RPL3L: variants seen among roughly 807,000 people sequenced by gnomAD.
RPL3L encodes ribosomal protein L3 like.
Under a neutral mutation model 44.5 loss-of-function variants are expected in RPL3L, and 44 were observed. The ratio of observed to expected loss-of-function variants is 0.99; its 90% CI spans 0.78 to 1.27. RPL3L has a LOEUF of 1.27. RPL3L is among the 50% of genes most tolerant of loss of function. RPL3L has a pLI of 0.00. For missense variants in RPL3L, 631 were observed against 569.1 expected (o/e 1.11, Z -1.11); for synonymous variants, 292 against 230.7 (o/e 1.27, Z -2.41).
At position 1,946,704 on chromosome 16, in the gene RPL3L, G is replaced by A. The variant is rs34265469; in HGVS notation, c.872C>T (p.Pro291Leu). Residue 291 changes from proline to leucine, a missense_variant, in exon 7 of 10, where the codon CCG becomes CTG. Coordinates refer to ENST00000268661, the MANE Select transcript of RPL3L (RefSeq NM_005061.3). ...CACCAGCTTCCCGTCCTCCATGTGC[G>A]GGCCCCTGCCGATGCGGAAGATCTG... ...NKKIFRIGRG[P>L]HMEDGKLVKN... 11,240 of 1,612,574 alleles carry A rather than the reference G, an allele frequency of 7.0e-3. 648 individuals carry two copies. In the African/African-American group the frequency reaches 0.13, roughly 18 times the overall value.
chr16:1,951,416 TTCTC>T (rs1331072920), intron 3 of RPL3L, among the ~76,000 whole-genome samples: 1 of 152,030 alleles, frequency 6.6e-6, no homozygotes, highest in African/African-American at 2.4e-5. Flanking sequence ...GGGTCTCACT[TTCTC>T]TCCCAGGCTG....
At position 1,947,179 on chromosome 16, in the gene RPL3L, C is replaced by A. The variant is rs768907465; in HGVS notation, c.688+15G>T. 2 of 1,612,444 alleles carry A rather than the reference C, an allele frequency of 1.2e-6. No individual in the cohort carries two copies. The highest frequency in any genetic ancestry group is 4.5e-5 in the East Asian group (2 of 44,846). ...GGCAGCCTGCCCTGGAGCTGCCATC[C>A]TCACTGAGCCCTACCTTTGACGCCT... On this transcript the variant is annotated intron_variant, in intron 5 of 9. Transcript: ENST00000268661.
rs1567310388 is a variant in RPL3L, at chr16:1,949,263, T to TTC, written c.501+1580_501+1581insGA. 3.6e-3 allele frequency among the ~76,000 whole-genome samples: 314 copies of TTC among 88,396 alleles called. 4 individuals are homozygous for TTC. The highest frequency in any genetic ancestry group is 0.022 in the East Asian group (42 of 1,918). 58.0% of individuals were successfully genotyped at this position (88,396 alleles called of 152,430 possible). On this transcript the variant is annotated intron_variant, in intron 4 of 9. Coordinates refer to ENST00000268661, the MANE Select transcript of RPL3L (RefSeq NM_005061.3). ...ATTTTTGTTTTTTTTTTTTTTCTTTTTTTTTTTTTTTTTTTTTTGAGACTC... is the reference window on the plus strand; with the variant it reads ...ATTTTTGTTTTTTTTTTTTTTCTTTTTCTTTTTTTTTTTTTTTTTTGAGACTC...
chr16:1,944,829 C>A lies in RPL3L; in HGVS notation c.*8G>T. The A allele has an allele frequency of 2.5e-6, 4 of 1,614,070 alleles. No homozygotes were observed. The highest frequency in any genetic ancestry group is 3.4e-6 in the Non-Finnish European group (4 of 1,180,012). On this transcript the variant is annotated 3_prime_UTR_variant, in exon 10 of 10. Coordinates refer to ENST00000268661, the MANE Select transcript of RPL3L (RefSeq NM_005061.3). ...GGTGCGCTTCAGGGTTCATCCACCCCACACAGCCTACAAGTCTCCCGAGGT... is the reference window on the plus strand; with the variant it reads ...GGTGCGCTTCAGGGTTCATCCACCCAACACAGCCTACAAGTCTCCCGAGGT...
chr16:1,953,807 T>C (rs1264980644), intron 2 of RPL3L, 149 bp downstream of exon 2: 5 of 791,106 alleles, frequency 6.3e-6, no homozygotes, highest in Admixed American at 8.0e-5. Context: ...AAGCCCTGCC[T>C]GTGCTCAGCG....
Position 1,950,897 on chromosome 16 carries a change from A to T in RPL3L, c.448T>A (p.Phe150Ile). Residue 150 changes from phenylalanine to isoleucine, a missense_variant, in exon 4 of 10, where the codon TTC becomes ATC. Transcript: ENST00000268661. ...TTGCAGTACTTCTTCATGGCGGCGA[A>T]GTCCTTCTGTAGCTGCTTTTTCCCG... The part of the protein sequence containing the change: ...TDGKKQLQKD[F>I]AAMKKYCKVI... The T allele has an allele frequency of 6.2e-7, 1 of 1,614,076 alleles. No individual in the cohort carries two copies. Among genetic ancestry groups the T allele is most frequent in the African/African-American group, 1.3e-5 (1 of 75,012 alleles).
In RPL3L at chr16:1,944,905, G is replaced by T; in HGVS notation, c.1168-12C>A. ...TTCTTTTGGGGGCCCTGGTTGAGAGGGTGGTGCAGGAGGAGCCTTAGTCAC... is the reference window on the plus strand; with the variant it reads ...TTCTTTTGGGGGCCCTGGTTGAGAGTGTGGTGCAGGAGGAGCCTTAGTCAC... On this transcript the variant is annotated splice_polypyrimidine_tract_variant and intron_variant, in intron 9 of 9. Coordinates refer to ENST00000268661, the MANE Select transcript of RPL3L (RefSeq NM_005061.3). 2 of 1,610,170 alleles carry T rather than the reference G, an allele frequency of 1.2e-6. No homozygotes were observed. Among genetic ancestry groups the T allele is most frequent in the Non-Finnish European group, 1.7e-6 (2 of 1,179,492 alleles).
Position 1,947,866 on chromosome 16 carries a change from G to C in RPL3L, c.502-486C>G, listed in dbSNP as rs547728896. 2.2e-3 allele frequency among the ~76,000 whole-genome samples: 328 copies of C among 152,196 alleles called. 2 individuals are homozygous for C. The highest frequency in any genetic ancestry group is 7.3e-3 in the African/African-American group (304 of 41,512). On this transcript the variant is annotated intron_variant, in intron 4 of 9. Transcript: ENST00000268661. The stretch of plus-strand genomic sequence containing the variant: ...GTGGGCAGACGGTGGGGAGCAAGGG[G>C]CGTGGGCCAGCACCTGGGAGTGGGG...
chr16:1,947,011 G>A lies in RPL3L; in HGVS notation c.776C>T (p.Pro259Leu), dbSNP rs748693864. The A allele has an allele frequency of 3.1e-6, 5 of 1,612,088 alleles. No homozygotes were observed. In the African/African-American group the frequency reaches 4.0e-5, roughly 13 times the overall value. The change falls in exon 6 of 10, where the codon CCC (proline) becomes CTC (leucine). Residue 259 changes from proline (P) to leucine (L), a missense_variant. Pro to Leu is a moderately conservative substitution (Grantham distance 98). Transcript: ENST00000268661. Reference sequence around the variant, plus strand: ...AGCAATGGAGCAGCCCACGCGGGCGGGGTGCCAGGCGCCAATGCAGGCCAC... The same window carrying A: ...AGCAATGGAGCAGCCCACGCGGGCGAGGTGCCAGGCGCCAATGCAGGCCAC... ...RKVACIGAWH[P>L]ARVGCSIARA...
intron 4 of RPL3L, among the ~76,000 whole-genome samples, chr16:1,949,543 A>G (rs921868473): frequency 1.4e-4 from 20 of 141,114 alleles, no homozygotes; most frequent in Admixed American, 1.5e-4. Context: ...GTGATCCACC[A>G]TGTCTGGCTT....
intron 4 of RPL3L, among the ~76,000 whole-genome samples, chr16:1,947,615 C>G (rs546332893): frequency 1.3e-5 from 2 of 152,276 alleles, no homozygotes; most frequent in South Asian, 4.1e-4. Context: ...CAGAAGGAAA[C>G]CAAGTAACTC....
At chr16:1,951,123 C>G in intron 3 of RPL3L, 144 bp from the exon 4 acceptor site, 3 of 1,058,480 alleles carry the variant, frequency 2.8e-6, no homozygotes, top group Non-Finnish European at 4.0e-6. Context: ...TGAGCTGGTT[C>G]CAGCCACCAT....
intron 3 of RPL3L, 64 bp downstream of exon 3, chr16:1,952,810 C>T (rs1299776476): frequency 6.3e-7 from 1 of 1,587,082 alleles, no homozygotes; most frequent in Non-Finnish European, 8.6e-7. Flanking sequence ...GAGCTAGAGC[C>T]TCAGGCACCC....
chr16:1,951,386 CTTT>C (rs1567311442), intron 3 of RPL3L, among the ~76,000 whole-genome samples: 2 of 152,198 alleles, frequency 1.3e-5, no homozygotes, highest in East Asian at 3.9e-4. Context: ...GCCATCCTTT[CTTT>C]TTTGTTTTTG....
intron 7 of RPL3L, among the ~76,000 whole-genome samples, chr16:1,946,228 G>A (rs552458012): frequency 2.0e-5 from 3 of 152,198 alleles, no homozygotes; most frequent in Non-Finnish European, 2.9e-5. Flanking sequence ...CTGGAGATGC[G>A]GTTTGAGCCC....
intron 4 of RPL3L, 111 bp downstream of exon 4, chr16:1,950,733 C>G: frequency 6.4e-7 from 1 of 1,559,072 alleles, no homozygotes. Context: ...TCCTCTGGGT[C>G]TGTGCCGAGG....
Position 1,952,976 on chromosome 16 carries a change from C to G in RPL3L, c.263G>C (p.Gly88Ala), listed in dbSNP as rs902520658. 10 of 1,612,748 alleles carry G rather than the reference C, an allele frequency of 6.2e-6. No individual in the cohort carries two copies. Among genetic ancestry groups the G allele is most frequent in the African/African-American group, 2.7e-5 (2 of 74,856 alleles). ...IVETPPLVVV[G>A]VVGYVATPRG... is the part of the protein sequence containing the mutation. ...AGGGGTGGCCACGTAGCCCACCACG[C>G]CCACCACCACTAGGGGCGGCGTTTC... The change falls in exon 3 of 10, where the codon GGC (glycine) becomes GCC (alanine). Residue 88 changes from glycine (G) to alanine (A), a missense_variant. By Grantham distance (60) the Gly-to-Ala change is moderately conservative. Coordinates refer to ENST00000268661, the MANE Select transcript of RPL3L (RefSeq NM_005061.3).
intron 1 of RPL3L, among the ~76,000 whole-genome samples, chr16:1,954,400 T>C (rs1343730483): frequency 6.6e-6 from 1 of 152,050 alleles, no homozygotes; most frequent in Non-Finnish European, 1.5e-5. Flanking sequence ...GTCGCACCCA[T>C]ACTGCAGCCA....
At chr16:1,949,260 T>G (rs2083150812) in intron 4 of RPL3L, among the ~76,000 whole-genome samples, 1 of 54,310 alleles carries the variant, frequency 1.8e-5, no homozygotes, top group Non-Finnish European at 3.2e-5. Flanking sequence ...TTTTTTTTTC[T>G]TTTTTTTTTT....
Sources: gnomAD v4.1 joint callset for allele counts (sites outside exome capture counted in the v4.1 genomes callset) on GRCh38, gnomAD v4.1.1 for gene constraint, MANE v1.5 for transcripts, NCBI Gene and HGNC (gene_info 2026-07-23, HGNC 2026-07-21) for gene names.